The following FYN variants were observed in gnomAD, a reference collection of about 807,000 sequenced individuals.
FYN encodes tyrosine-protein kinase Fyn.
Under a neutral mutation model 70.2 loss-of-function variants are expected in FYN, and 10 were observed. That is an observed-to-expected ratio of 0.14 (90% confidence interval 0.09 to 0.24). FYN has a LOEUF of 0.24. FYN is among the 10% of genes least tolerant of loss of function. The probability of loss-of-function intolerance (pLI) is 1.00; values close to 1 mark genes in which losing one functional copy is unlikely to be tolerated. For synonymous variants in FYN, 236 were observed against 248.6 expected (o/e 0.95, Z 0.48); for missense variants, 319 against 673.1 (o/e 0.47, Z 5.82).
intron 2 of FYN, among the ~76,000 whole-genome samples, chr6:111,826,245 G>A (rs1254018857): frequency 6.6e-6 from 1 of 152,086 alleles, no homozygotes; most frequent in African/African-American, 2.4e-5. Flanking sequence ...ACAGCATTAT[G>A]GCACACTAGT....
intron 2 of FYN, among the ~76,000 whole-genome samples, chr6:111,822,850 C>T (rs1583471754): frequency 6.6e-6 from 1 of 152,122 alleles, no homozygotes; most frequent in Non-Finnish European, 1.5e-5. Context: ...ACCACACCAT[C>T]ATTGACTGTC....
At chr6:111,832,890 T>C (rs1022276959) in intron 2 of FYN, among the ~76,000 whole-genome samples, 5 of 152,172 alleles carry the variant, frequency 3.3e-5, no homozygotes, top group African/African-American at 1.2e-4. Flanking sequence ...ATCTGATGAA[T>C]GCTATTAATG....
At chr6:111,674,450 C>G (rs1562463672) in intron 13 of FYN, 49 bp downstream of exon 13, 1 of 1,562,568 alleles carries the variant, frequency 6.4e-7, no homozygotes, top group Non-Finnish European at 8.7e-7. Flanking sequence ...CAAATGGTGT[C>G]AAAAAAGCCT....
chr6:111,739,118 C>A (rs1801832510), intron 3 of FYN, among the ~76,000 whole-genome samples: 1 of 152,182 alleles, frequency 6.6e-6, no homozygotes, highest in Admixed American at 6.5e-5. Context: ...GTACCAATGA[C>A]CATGTTGCTA....
intron 3 of FYN, among the ~76,000 whole-genome samples, chr6:111,726,612 G>C (rs1484327971): frequency 6.6e-6 from 1 of 152,196 alleles, no homozygotes; most frequent in East Asian, 1.9e-4. Flanking sequence ...ATCCTGGCCA[G>C]TCCATGCAAG....
At chr6:111,663,230 C>T (rs564852277) in intron 13 of FYN, among the ~76,000 whole-genome samples, 2 of 152,352 alleles carry the variant, frequency 1.3e-5, no homozygotes, top group African/African-American at 2.4e-5. Flanking sequence ...GGAGCAAGAA[C>T]CCGATGTCAA....
chr6:111,860,055 G>C (rs1410818777), intron 1 of FYN, among the ~76,000 whole-genome samples: 1 of 152,110 alleles, frequency 6.6e-6, no homozygotes, highest in African/African-American at 2.4e-5. Context: ...GGCAGCCACA[G>C]AGAAGCCTGG....
At chr6:111,697,672 CA>C (rs973544612) in intron 9 of FYN, among the ~76,000 whole-genome samples, 14 of 152,256 alleles carry the variant, frequency 9.2e-5, no homozygotes, top group African/African-American at 3.1e-4. Context: ...AGTCAGCACC[CA>C]AAATTCTAAA....
intron 1 of FYN, among the ~76,000 whole-genome samples, chr6:111,848,913 C>A (rs962989530): frequency 6.6e-6 from 1 of 152,052 alleles, no homozygotes; most frequent in Non-Finnish European, 1.5e-5. Flanking sequence ...CCTAATTTAT[C>A]TTTATTCTAA....
intron 2 of FYN, among the ~76,000 whole-genome samples, chr6:111,801,695 GA>G (rs1293418421): frequency 6.6e-6 from 1 of 152,192 alleles, no homozygotes; most frequent in Non-Finnish European, 1.5e-5. Flanking sequence ...CTGAGACTGT[GA>G]CAAATGAAAA....
chr6:111,780,224 T>C (rs890807416), intron 3 of FYN, among the ~76,000 whole-genome samples: 10 of 152,216 alleles, frequency 6.6e-5, no homozygotes, highest in African/African-American at 2.4e-4. Flanking sequence ...CTTTGGAGAA[T>C]TTATTTTATT....
At chr6:111,732,022 C>A (rs1801481311) in intron 3 of FYN, among the ~76,000 whole-genome samples, 1 of 152,184 alleles carries the variant, frequency 6.6e-6, no homozygotes, top group African/African-American at 2.4e-5. Context: ...CTTTCCCCAG[C>A]AGCACACAAA....
At chr6:111,725,592 C>G (rs182967380) in intron 3 of FYN, among the ~76,000 whole-genome samples, 2 of 152,274 alleles carry the variant, frequency 1.3e-5, no homozygotes, top group Non-Finnish European at 2.9e-5. Flanking sequence ...TGGGTTGGCC[C>G]TCTGGAGATG....
chr6:111,857,475 G>A (rs1168633373), intron 1 of FYN, among the ~76,000 whole-genome samples: 2 of 152,036 alleles, frequency 1.3e-5, no homozygotes, highest in Non-Finnish European at 2.9e-5. Context: ...ACCTAGGACA[G>A]GTATACTAAG....
chr6:111,825,895 C>T (rs576651934), intron 2 of FYN, among the ~76,000 whole-genome samples: 4 of 152,296 alleles, frequency 2.6e-5, no homozygotes, highest in African/African-American at 9.6e-5. Context: ...ATGTGCTATT[C>T]TGAAATTACT....
At chr6:111,792,037 G>A (rs1231639156) in intron 2 of FYN, among the ~76,000 whole-genome samples, 1 of 151,904 alleles carries the variant, frequency 6.6e-6, no homozygotes, top group African/African-American at 2.4e-5. Flanking sequence ...ATATAATTTG[G>A]ACTATACTAA....
At chr6:111,735,649 AG>A (rs1801676598) in intron 3 of FYN, among the ~76,000 whole-genome samples, 1 of 152,184 alleles carries the variant, frequency 6.6e-6, no homozygotes, top group Admixed American at 6.5e-5. Flanking sequence ...AGAAAAGAGA[AG>A]CATGGGGGGG....
chr6:111,845,563 T>TA lies in FYN; in HGVS notation c.-82+1025dup, dbSNP rs1465107581. On this transcript the variant is annotated intron_variant, in intron 2 of 13. Transcript: ENST00000354650. ...CAATGTTTCAGATAGTATACTTCCC[T>TA]AACTTAGAGACAAACGAGCTGCATT... is the stretch of plus-strand genomic sequence containing the variant. Among the ~76,000 whole-genome samples, 6 of 152,352 alleles carry TA rather than the reference T, an allele frequency of 3.9e-5. No individual in the cohort carries two copies. In the East Asian group the frequency reaches 1.2e-3, roughly 29 times the overall value.
intron 2 of FYN, among the ~76,000 whole-genome samples, chr6:111,828,541 T>C (rs570670514): frequency 3.5e-4 from 53 of 152,080 alleles, no homozygotes; most frequent in African/African-American, 1.1e-3. Flanking sequence ...AAACAAAATA[T>C]GGTCTATACA....
Sources: allele counts gnomAD v4.1 joint callset (sites outside exome capture counted in the v4.1 genomes callset), GRCh38; gene constraint gnomAD v4.1.1; transcripts MANE v1.5; gene names NCBI Gene and HGNC (gene_info 2026-07-23, HGNC 2026-07-21).